The following LRRTM4 variants were observed in gnomAD, a reference collection of about 807,000 sequenced individuals.
LRRTM4 encodes the protein leucine rich repeat transmembrane neuronal 4.
A neutral mutation model predicts 47.6 loss-of-function variants in LRRTM4; 25 were observed. That is an observed-to-expected ratio of 0.53 (90% CI 0.38 to 0.73). The LOEUF (loss-of-function observed/expected upper bound fraction) is 0.73, where lower values mean the gene tolerates loss of function less well. Ranked by LOEUF, LRRTM4 falls within the 30% of genes least tolerant of loss-of-function variation. The pLI, the probability that LRRTM4 is intolerant of heterozygous loss-of-function variation, is 0.00. For missense variants in LRRTM4, 638 were observed against 713.4 expected, an observed-to-expected ratio of 0.89 and a Z score of 1.20; for synonymous variants, 311 against 269.5, an observed-to-expected ratio of 1.15 and a Z score of -1.51.
At chr2:77,325,649 A>G (rs1670741113) in intron 3 of LRRTM4, among the ~76,000 whole-genome samples, 1 of 152,040 alleles carries the variant, frequency 6.6e-6, no homozygotes, top group Admixed American at 6.6e-5. Flanking sequence ...TGAGTGTGGG[A>G]ACTTTACCCT....
At chr2:76,957,709 T>C (rs997626314) in intron 3 of LRRTM4, among the ~76,000 whole-genome samples, 1 of 151,002 alleles carries the variant, frequency 6.6e-6, no homozygotes, top group African/African-American at 2.5e-5. Flanking sequence ...ATCTAATAAA[T>C]TGCTATAAAT....
intron 3 of LRRTM4, among the ~76,000 whole-genome samples, chr2:76,767,972 A>G (rs1266332628): frequency 1.3e-5 from 2 of 152,174 alleles, no homozygotes; most frequent in African/African-American, 4.8e-5. Context: ...TCATTTAAAC[A>G]TTAATTTTCT....
intron 3 of LRRTM4, among the ~76,000 whole-genome samples, chr2:77,048,656 C>G (rs554253380): frequency 3.2e-4 from 48 of 151,996 alleles, no homozygotes; most frequent in African/African-American, 9.2e-4. Flanking sequence ...TACACGATAA[C>G]TATATGTTTT....
Position 77,518,799 on chromosome 2 carries a change from T to C in LRRTM4, c.1070A>G (p.Tyr357Cys). Residue 357 changes from tyrosine (Y) to cysteine (C), a missense_variant, in exon 3 of 4, where the codon TAT (tyrosine) becomes TGT (cysteine). By Grantham distance (194) the Tyr-to-Cys change is radical. Coordinates refer to ENST00000409884, the MANE Select transcript of LRRTM4 (RefSeq NM_001134745.3). ...GEKVSDAVET[Y>C]NICSEVQVVN... is the part of the protein sequence containing the mutation. ...CACCTGGACTTCAGAACAGATATTA[T>C]ATGTTTCCACTGCATCACTAACCTT... 6.2e-7 allele frequency: 1 copy of C among 1,612,514 alleles called. No homozygotes were observed. The highest frequency in any genetic ancestry group is 8.5e-7 in the Non-Finnish European group (1 of 1,179,226).
intron 3 of LRRTM4, among the ~76,000 whole-genome samples, chr2:76,983,524 T>A (rs1200908734): frequency 6.6e-6 from 1 of 152,038 alleles, no homozygotes; most frequent in Admixed American, 6.6e-5. Context: ...CCTTTGCTGC[T>A]CCTTCACTTT....
At chr2:77,137,475 C>A (rs113752660) in intron 3 of LRRTM4, among the ~76,000 whole-genome samples, 1 of 151,628 alleles carries the variant, frequency 6.6e-6, no homozygotes, top group Non-Finnish European at 1.5e-5. Flanking sequence ...CTGAAGGAAG[C>A]GCTAAACATG....
At chr2:76,873,575 G>C (rs1390177625) in intron 3 of LRRTM4, among the ~76,000 whole-genome samples, 1 of 141,220 alleles carries the variant, frequency 7.1e-6, no homozygotes, top group Non-Finnish European at 1.5e-5. Flanking sequence ...AGATATGCTA[G>C]ATCCTCTGAG....
chr2:76,811,499 C>G (rs532832142), intron 3 of LRRTM4, among the ~76,000 whole-genome samples: 2 of 152,272 alleles, frequency 1.3e-5, no homozygotes, highest in South Asian at 2.1e-4. Context: ...ATCGCCTCTA[C>G]TCTACATTGC....
At chr2:76,784,841 A>AAACT (rs142791312) in intron 3 of LRRTM4, among the ~76,000 whole-genome samples, 2 of 152,138 alleles carry the variant, frequency 1.3e-5, no homozygotes, top group African/African-American at 2.4e-5. Flanking sequence ...ACCTTAAAGG[A>AAACT]AACTAACTGT....
At chr2:76,968,509 T>C (rs116733537) in intron 3 of LRRTM4, among the ~76,000 whole-genome samples, 3,692 of 150,912 alleles carry the variant, frequency 0.024, 59 homozygotes, top group Admixed American at 0.034. Flanking sequence ...TATTCTCACA[T>C]TGTATGTATA....
chr2:76,781,354 G>C (rs1042036740), intron 3 of LRRTM4, among the ~76,000 whole-genome samples: 11 of 152,144 alleles, frequency 7.2e-5, no homozygotes, highest in East Asian at 3.9e-4. Flanking sequence ...CCCCCAGCCT[G>C]GCTGCCGCCT....
At chr2:77,325,638 T>C (rs1000496056) in intron 3 of LRRTM4, among the ~76,000 whole-genome samples, 7 of 152,160 alleles carry the variant, frequency 4.6e-5, no homozygotes, top group African/African-American at 1.4e-4. Context: ...CCCTTTTATG[T>C]TGAGTGTGGG....
intron 3 of LRRTM4, among the ~76,000 whole-genome samples, chr2:77,459,897 C>A (rs1051419955): frequency 2.6e-5 from 4 of 152,140 alleles, no homozygotes; most frequent in South Asian, 2.1e-4. Flanking sequence ...GCTAATCATG[C>A]CTTTTAGCAA....
chr2:77,091,270 T>C (rs1572952382), intron 3 of LRRTM4, among the ~76,000 whole-genome samples: 5 of 149,674 alleles, frequency 3.3e-5, no homozygotes, highest in Non-Finnish European at 4.4e-5. Context: ...CCCACAAGTA[T>C]AAGATACCTC....
intron 3 of LRRTM4, among the ~76,000 whole-genome samples, chr2:77,514,577 T>C (rs1322371067): frequency 6.6e-6 from 1 of 152,026 alleles, no homozygotes; most frequent in Non-Finnish European, 1.5e-5. Context: ...TATTGTCACC[T>C]TTACTGCCAT....
intron 3 of LRRTM4, among the ~76,000 whole-genome samples, chr2:77,452,909 C>T (rs1676316973): frequency 1.3e-5 from 2 of 152,192 alleles, no homozygotes; most frequent in South Asian, 4.1e-4. Flanking sequence ...TGCTCTCTAC[C>T]ATAAGACTGA....
intron 3 of LRRTM4, among the ~76,000 whole-genome samples, chr2:77,336,019 T>C (rs927137262): frequency 2.0e-5 from 3 of 152,028 alleles, no homozygotes; most frequent in Non-Finnish European, 2.9e-5. Context: ...CTGGATTTCA[T>C]CTGCAGGTCA....
chr2:77,088,867 C>T (rs927061827), intron 3 of LRRTM4, among the ~76,000 whole-genome samples: 1 of 152,044 alleles, frequency 6.6e-6, no homozygotes, highest in South Asian at 2.1e-4. Context: ...CCCTCACTAT[C>T]CCTCAATCTC....
intron 3 of LRRTM4, among the ~76,000 whole-genome samples, chr2:76,888,650 AT>A (rs1673154582): frequency 1.3e-5 from 2 of 151,812 alleles, no homozygotes; most frequent in Admixed American, 6.6e-5. Flanking sequence ...TTCAAAATTT[AT>A]TTTAATTATT....
Sources: allele counts gnomAD v4.1 joint callset (sites outside exome capture counted in the v4.1 genomes callset), GRCh38; gene constraint gnomAD v4.1.1; transcripts MANE v1.5; gene names NCBI Gene and HGNC (gene_info 2026-07-23, HGNC 2026-07-21).